The following PLA2G7 variants were observed in gnomAD, a reference collection of about 807,000 sequenced individuals.
PLA2G7 encodes the protein phospholipase A2 group VII.
A neutral mutation model predicts 49.6 loss-of-function variants in PLA2G7; 63 were observed. The ratio of observed to expected loss-of-function variants is 1.27; its 90% CI spans 1.04 to 1.57. The LOEUF is 1.57. Among genes scored for constraint, PLA2G7 ranks in the 40% most tolerant of loss-of-function variants. The pLI, the probability that PLA2G7 is intolerant of heterozygous loss-of-function variation, is 0.00. For synonymous variants in PLA2G7, 193 were observed against 169.9 expected, an observed-to-expected ratio of 1.14 and a Z score of -1.06; for missense variants, 596 against 521.2, an observed-to-expected ratio of 1.14 and a Z score of -1.40.
chr6:46,708,264 G>A, intron 9 of PLA2G7, 103 bp from the exon 10 acceptor site: 1 of 850,808 alleles, frequency 1.2e-6, no homozygotes, highest in Non-Finnish European at 2.0e-6. Flanking sequence ...CACCATACCA[G>A]TTTATTATGG....
At chr6:46,726,640 A>G (rs1474905080) in intron 1 of PLA2G7, among the ~76,000 whole-genome samples, 1 of 152,024 alleles carries the variant, frequency 6.6e-6, no homozygotes. Flanking sequence ...TGGTCAATAC[A>G]AAAACACAAA....
chr6:46,716,093 C>T (rs1363887225), intron 4 of PLA2G7, among the ~76,000 whole-genome samples: 1 of 152,160 alleles, frequency 6.6e-6, no homozygotes, highest in African/African-American at 2.4e-5. Flanking sequence ...ATTCTCACCA[C>T]GGTATTGCCT....
intron 9 of PLA2G7, among the ~76,000 whole-genome samples, chr6:46,709,045 AT>A (rs1258399535): frequency 1.3e-5 from 2 of 152,268 alleles, no homozygotes; most frequent in Non-Finnish European, 2.9e-5. Context: ...GTCACAAAAA[AT>A]TATATAAAGA....
Position 46,716,492 on chromosome 6 carries a change from T to C in PLA2G7, c.268A>G (p.Asn90Asp). The C allele has an allele frequency of 6.2e-7, 1 of 1,613,922 alleles. No individual in the cohort carries two copies. The highest frequency in any genetic ancestry group is 8.5e-7 in the Non-Finnish European group (1 of 1,179,806). The change falls in exon 4 of 12, where the codon AAT becomes GAT. Residue 90 changes from asparagine to aspartate, a missense_variant. Coordinates refer to ENST00000274793, the MANE Select transcript of PLA2G7 (RefSeq NM_005084.4). ...ATCCAAAGGGTGTCAAGGCGATCAT[T>C]ATCTTGGGATGGATAATATAAACGC... Reference protein sequence around the residue: ...FLRLYYPSQDNDRLDTLWIPN... With the variant: ...FLRLYYPSQDDDRLDTLWIPN...
At chr6:46,728,092 G>T (rs1171169847) in intron 1 of PLA2G7, among the ~76,000 whole-genome samples, 1 of 152,186 alleles carries the variant, frequency 6.6e-6, no homozygotes, top group African/African-American at 2.4e-5. Flanking sequence ...TTCAACTAAA[G>T]TCAAAGAAAG....
chr6:46,732,285 A>T (rs957287839), intron 1 of PLA2G7, among the ~76,000 whole-genome samples: 1 of 151,702 alleles, frequency 6.6e-6, no homozygotes, highest in African/African-American at 2.4e-5. Context: ...CTGAGGTTTC[A>T]TCTCCAGGCC....
At chr6:46,714,435 A>G (rs201056530) in intron 5 of PLA2G7, 25 bp downstream of exon 5, 14 of 1,454,574 alleles carry the variant, frequency 9.6e-6, no homozygotes, top group Non-Finnish European at 1.4e-5. Context: ...TGGAAGCCAA[A>G]ATTGTTCAAC....
chr6:46,723,676 G>A (rs976061066), intron 1 of PLA2G7, among the ~76,000 whole-genome samples: 4 of 152,108 alleles, frequency 2.6e-5, no homozygotes, highest in Non-Finnish European at 5.9e-5. Context: ...GTGGGGGATA[G>A]AAAAGGTCCA....
intron 1 of PLA2G7, 146 bp downstream of exon 1, chr6:46,735,034 G>A (rs900868608): frequency 3.3e-5 from 5 of 152,298 alleles, no homozygotes; most frequent in Admixed American, 6.5e-5. Flanking sequence ...GAGGGCTGCA[G>A]GGACTGTGAG....
At chr6:46,734,433 A>T (rs1170544244) in intron 1 of PLA2G7, among the ~76,000 whole-genome samples, 1,798 of 10,734 alleles carry the variant, frequency 0.17, 261 homozygotes, top group South Asian at 0.29. Flanking sequence ...AGAGAGAGAG[A>T]GAGAGAGAGA....
chr6:46,718,005 C>A (rs1333889434), intron 2 of PLA2G7, among the ~76,000 whole-genome samples: 1 of 152,178 alleles, frequency 6.6e-6, no homozygotes, highest in African/African-American at 2.4e-5. Flanking sequence ...CGTGAACCAC[C>A]ACGCCCAGCC....
Position 46,724,418 on chromosome 6 carries a change from C to T in PLA2G7, c.-34-1493G>A, listed in dbSNP as rs551282288. On this transcript the variant is annotated intron_variant, in intron 1 of 11. Coordinates refer to ENST00000274793, the MANE Select transcript of PLA2G7 (RefSeq NM_005084.4). ...AGCACATCTGGTTACTAATACAAAC[C>T]GAGCCAAGTTTAATGATCCGGTGTC... Among the ~76,000 whole-genome samples, 8 of 152,186 alleles carry T rather than the reference C, an allele frequency of 5.3e-5. No homozygotes were observed. The South Asian group carries it at 6.2e-4, about 12-fold the overall frequency.
chr6:46,719,970 CA>C (rs1253909255), intron 2 of PLA2G7, among the ~76,000 whole-genome samples: 1 of 152,132 alleles, frequency 6.6e-6, no homozygotes, highest in Non-Finnish European at 1.5e-5. Flanking sequence ...TTTTGAATTA[CA>C]AAAGGCTCTT....
Position 46,715,739 on chromosome 6 carries a change from CGATGTTTAA to C in PLA2G7, c.376+636_376+644del, listed in dbSNP as rs1296027329. On this transcript the variant is annotated intron_variant, in intron 4 of 11. Coordinates refer to ENST00000274793, the MANE Select transcript of PLA2G7 (RefSeq NM_005084.4). ...AGTGGTTTTTAAGAAAATTAAAAGCCGATGTTTAAGATGAATCCCAAAATTTGTAGATCG... is the reference window on the plus strand; with the variant it reads ...AGTGGTTTTTAAGAAAATTAAAAGCCGATGAATCCCAAAATTTGTAGATCG... Among the ~76,000 whole-genome samples the C allele has an allele frequency of 9.9e-5, 15 of 152,144 alleles. No individual in the cohort carries two copies. The East Asian group carries it at 2.5e-3, about 26-fold the overall frequency.
chr6:46,716,625 C>T (rs1368350006), intron 3 of PLA2G7, 97 bp from the exon 4 acceptor site: 1 of 1,250,908 alleles, frequency 8.0e-7, no homozygotes, highest in South Asian at 1.3e-5. Context: ...ACTCAAATAC[C>T]TCTGTGTTCA....
rs1336163707 is a variant in PLA2G7 at position 46,712,290 on chromosome 6, A to G, written c.518T>C (p.Ile173Thr). 2 of 1,612,540 alleles carry G rather than the reference A, an allele frequency of 1.2e-6. No homozygotes were observed. The highest frequency in any genetic ancestry group is 1.3e-5 in the African/African-American group (1 of 74,994). The change falls in exon 6 of 12, where the codon ATA (isoleucine) becomes ACA (threonine). Residue 173 changes from isoleucine to threonine, a missense_variant. Coordinates refer to ENST00000274793, the MANE Select transcript of PLA2G7 (RefSeq NM_005084.4). ...ATACCTGTGTTCTACAGCAGCAACT[A>G]TAAACCCATGAGATGCCAGGTCAAT... ...IGIDLASHGFIVAAVEHRDRS... is the reference protein window; with the variant it reads ...IGIDLASHGFTVAAVEHRDRS...
chr6:46,728,201 G>C (rs548720274), intron 1 of PLA2G7, among the ~76,000 whole-genome samples: 1 of 152,200 alleles, frequency 6.6e-6, no homozygotes, highest in Non-Finnish European at 1.5e-5. Flanking sequence ...GAAGGCTGGA[G>C]AATGCAGCTA....
At chr6:46,722,715 T>G (rs1188924060) in intron 2 of PLA2G7, 68 bp downstream of exon 2, 2 of 933,578 alleles carry the variant, frequency 2.1e-6, no homozygotes, top group Non-Finnish European at 3.5e-6. Context: ...ATGTGCAACT[T>G]CTTGGGGCCC....
chr6:46,731,053 A>G (rs911528040), intron 1 of PLA2G7, among the ~76,000 whole-genome samples: 1 of 152,188 alleles, frequency 6.6e-6, no homozygotes, highest in Non-Finnish European at 1.5e-5. Flanking sequence ...GCTGCCCACA[A>G]TACAAATGAG....
Sources: allele counts gnomAD v4.1 joint callset (sites outside exome capture counted in the v4.1 genomes callset), GRCh38; gene constraint gnomAD v4.1.1; transcripts MANE v1.5; gene names NCBI Gene and HGNC (gene_info 2026-07-23, HGNC 2026-07-21).